The following UNC79 variants were observed in gnomAD, a reference collection of about 807,000 sequenced individuals.
UNC79 encodes protein unc-79 homolog.
A neutral mutation model predicts 283.1 loss-of-function variants in UNC79; 37 were observed. The observed-to-expected ratio is 0.13, with a 90% CI of 0.10 to 0.17. The LOEUF (loss-of-function observed/expected upper bound fraction) is 0.17, where lower values mean the gene tolerates loss of function less well. Among genes scored for constraint, UNC79 ranks in the 10% least tolerant of loss-of-function variants. The probability of loss-of-function intolerance (pLI) is 1.00; values close to 1 mark genes in which losing one functional copy is unlikely to be tolerated. For synonymous variants in UNC79, 1,107 were observed against 1,200.2 expected, an observed-to-expected ratio of 0.92 and a Z score of 1.61; for missense variants, 2,272 against 3,211.1, an observed-to-expected ratio of 0.71 and a Z score of 7.07.
intron 14 of UNC79, among the ~76,000 whole-genome samples, chr14:93,560,175 C>CT (rs2062456484): frequency 6.6e-6 from 1 of 152,122 alleles, no homozygotes; most frequent in Non-Finnish European, 1.5e-5. Context: ...TATTAAAGGA[C>CT]TAAGAATTGG....
At chr14:93,521,079 T>C (rs2060299317) in intron 7 of UNC79, among the ~76,000 whole-genome samples, 1 of 152,070 alleles carries the variant, frequency 6.6e-6, no homozygotes, top group African/African-American at 2.4e-5. Context: ...TCTGACCATT[T>C]CAAGGCTTAT....
intron 40 of UNC79, among the ~76,000 whole-genome samples, chr14:93,665,447 T>G (rs543547988): frequency 6.6e-6 from 1 of 151,850 alleles, no homozygotes; most frequent in Non-Finnish European, 1.5e-5. Context: ...AGATATCTAA[T>G]AAATATTTCA....
chr14:93,603,443 C>T lies in UNC79; in HGVS notation c.3754+25C>T, dbSNP rs780871273. Reference sequence around the variant, plus strand: ...CGTTGAGTATCTTCTTTCATCCTTCCGTTAAATCTGTTTAATGTCTTTCTG... The same window carrying T: ...CGTTGAGTATCTTCTTTCATCCTTCTGTTAAATCTGTTTAATGTCTTTCTG... On this transcript the variant is annotated intron_variant, in intron 26 of 48. Coordinates refer to ENST00000555664, the Ensembl canonical transcript of UNC79. 1.5e-5 allele frequency: 24 copies of T among 1,610,014 alleles called. No individual in the cohort carries two copies. The African/African-American group carries it at 1.6e-4, about 11-fold the overall frequency.
intron 7 of UNC79, among the ~76,000 whole-genome samples, chr14:93,517,671 G>T (rs1214712329): frequency 6.6e-6 from 1 of 151,588 alleles, no homozygotes; most frequent in Non-Finnish European, 1.5e-5. Context: ...CCTATTTTTT[G>T]TATTCCCCAT....
chr14:93,611,911 G>A (rs2066337810), intron 26 of UNC79, among the ~76,000 whole-genome samples: 1 of 151,886 alleles, frequency 6.6e-6, no homozygotes, highest in Non-Finnish European at 1.5e-5. Context: ...GCAAATATCA[G>A]TCTTCCTTCT....
chr14:93,595,498 T>C (rs1221851775), intron 23 of UNC79, among the ~76,000 whole-genome samples: 2 of 152,228 alleles, frequency 1.3e-5, no homozygotes, highest in South Asian at 4.1e-4. Context: ...TGACTGCAAC[T>C]GCAGGCAGCC....
At chr14:93,496,851 T>C (rs1324177374) in intron 6 of UNC79, among the ~76,000 whole-genome samples, 12 of 152,222 alleles carry the variant, frequency 7.9e-5, no homozygotes, top group African/African-American at 2.7e-4. Context: ...TTTGGCAAAC[T>C]GTCTTGTGCT....
intron 30 of UNC79, among the ~76,000 whole-genome samples, chr14:93,626,344 TC>T (rs2067567608): frequency 6.6e-6 from 1 of 151,826 alleles, no homozygotes; most frequent in Non-Finnish European, 1.5e-5. Flanking sequence ...AGGTTAACTG[TC>T]TGTAGTCCTG....
At chr14:93,378,001 A>T (rs2054595453) in intron 1 of UNC79, among the ~76,000 whole-genome samples, 1 of 152,238 alleles carries the variant, frequency 6.6e-6, no homozygotes, top group African/African-American at 2.4e-5. Flanking sequence ...GGTAATAATC[A>T]GGTATCCAGA....
chr14:93,594,813 C>T (rs941744467), intron 23 of UNC79, among the ~76,000 whole-genome samples: 14 of 152,020 alleles, frequency 9.2e-5, no homozygotes, highest in Non-Finnish European at 1.9e-4. Flanking sequence ...GGTCGGCATG[C>T]CACAGTGTGG....
intron 7 of UNC79, among the ~76,000 whole-genome samples, chr14:93,522,140 C>G (rs958569419): frequency 6.6e-6 from 1 of 151,982 alleles, no homozygotes; most frequent in African/African-American, 2.4e-5. Flanking sequence ...CACAAAAAAG[C>G]ATTTATTTCT....
chr14:93,468,888 C>T (rs1371582379), intron 2 of UNC79, among the ~76,000 whole-genome samples: 1 of 152,172 alleles, frequency 6.6e-6, no homozygotes, highest in Non-Finnish European at 1.5e-5. Flanking sequence ...TATTTTCCTT[C>T]TTCTCAAATT....
chr14:93,423,062 CAAAAAAAAA>C (rs71129634), intron 1 of UNC79, among the ~76,000 whole-genome samples: 7 of 77,282 alleles, frequency 9.1e-5, no homozygotes, highest in South Asian at 4.8e-4. Flanking sequence ...GACTCTGTCT[CAAAAAAAAA>C]AAAAAAAAAA....
intron 1 of UNC79, among the ~76,000 whole-genome samples, chr14:93,451,735 C>T (rs986863297): frequency 6.6e-6 from 1 of 152,174 alleles, no homozygotes; most frequent in Admixed American, 6.5e-5. Flanking sequence ...TGTTCCAAAG[C>T]TATCTGTTGC....
chr14:93,363,344 G>A (rs894488999), intron 1 of UNC79, among the ~76,000 whole-genome samples: 5 of 152,074 alleles, frequency 3.3e-5, no homozygotes, highest in African/African-American at 1.2e-4. Context: ...TAAGATTTTG[G>A]TTTTTAAAAA....
At chr14:93,674,146 G>A (rs565048265) in intron 41 of UNC79, among the ~76,000 whole-genome samples, 2 of 152,278 alleles carry the variant, frequency 1.3e-5, no homozygotes, top group South Asian at 4.1e-4. Context: ...TGCCATGAGA[G>A]AAAGAGGTAA....
intron 24 of UNC79, among the ~76,000 whole-genome samples, chr14:93,598,365 C>CGTGTGTGTGTGTGTGTGT (rs71301930): frequency 3.1e-5 from 2 of 64,020 alleles, no homozygotes; most frequent in African/African-American, 8.3e-5. Context: ...TATTGCATAA[C>CGTGTGTGTGTGTGTGTGT]GTGTGTGTGT....
rs1215556957 is a variant in UNC79 at position 93,347,271 on chromosome 14, G to A, written c.-351+13748G>A. 5 of 1,603,644 alleles carry A rather than the reference G, an allele frequency of 3.1e-6. No individual in the cohort carries two copies. In the Admixed American group the frequency reaches 5.1e-5, roughly 16 times the overall value. ...GGCTTTGTCTCACCTGACGCGATAT[G>A]CCTCTCCTGCGTGGGCGCTGTCCTG... On this transcript the variant is annotated intron_variant, in intron 1 of 49. Transcript: ENST00000256339.
intron 45 of UNC79, chr14:93,691,489 T>G: frequency 1.8e-6 from 1 of 557,538 alleles, no homozygotes; most frequent in Non-Finnish European, 3.2e-6. Flanking sequence ...GGCAAGGGGG[T>G]GGGTAGATTT....
Sources: gnomAD v4.1 joint callset for allele counts (sites outside exome capture counted in the v4.1 genomes callset) on GRCh38, gnomAD v4.1.1 for gene constraint, MANE v1.5 for transcripts, NCBI Gene and HGNC (gene_info 2026-07-23, HGNC 2026-07-21) for gene names.